Variants in LRMDA observed in about 807,000 individuals in gnomAD.
The protein encoded by LRMDA is leucine-rich melanocyte differentiation-associated protein.
LRMDA carries 18 observed loss-of-function variants against 29.8 expected under a neutral mutation model. The observed-to-expected ratio is 0.60, with a 90% confidence interval of 0.42 to 0.90. The LOEUF (loss-of-function observed/expected upper bound fraction) is 0.90. Among genes scored for constraint, LRMDA ranks in the 40% least tolerant of loss-of-function variants. The pLI is 0.00. For missense variants in LRMDA, 273 were observed against 273.9 expected (o/e 1.00, Z 0.02); for synonymous variants, 125 against 109.4 (o/e 1.14, Z -0.89).
chr10:75,863,446 A>G (rs1844966591), intron 2 of LRMDA, among the ~76,000 whole-genome samples: 1 of 152,160 alleles, frequency 6.6e-6, no homozygotes, highest in Non-Finnish European at 1.5e-5. Flanking sequence ...GTGGATGAGC[A>G]CTTTTCTTAC....
At chr10:76,192,763 A>C (rs1404238343) in intron 5 of LRMDA, among the ~76,000 whole-genome samples, 1 of 152,026 alleles carries the variant, frequency 6.6e-6, no homozygotes, top group Admixed American at 6.6e-5. Context: ...CTAACTTGGA[A>C]CTCTTTGTAG....
At chr10:76,059,919 T>G (rs1391928081) in intron 5 of LRMDA, among the ~76,000 whole-genome samples, 2 of 152,202 alleles carry the variant, frequency 1.3e-5, no homozygotes, top group Non-Finnish European at 2.9e-5. Flanking sequence ...TTGTTACCTC[T>G]TTCAGCATGT....
chr10:76,439,505 A>G (rs945740521), intron 6 of LRMDA, among the ~76,000 whole-genome samples: 21 of 152,204 alleles, frequency 1.4e-4, no homozygotes, highest in South Asian at 6.2e-4. Flanking sequence ...GAAAGCGCCC[A>G]GTTAGAAGAT....
intron 5 of LRMDA, among the ~76,000 whole-genome samples, chr10:76,176,372 G>A (rs559716957): frequency 6.6e-6 from 1 of 152,286 alleles, no homozygotes; most frequent in East Asian, 1.9e-4. Flanking sequence ...ACAATAGAAG[G>A]GCAGCTTCAA....
intron 2 of LRMDA, among the ~76,000 whole-genome samples, chr10:75,872,733 C>G (rs1845135638): frequency 6.6e-6 from 1 of 152,104 alleles, no homozygotes; most frequent in South Asian, 2.1e-4. Context: ...TATAAAAATT[C>G]TATTCTTCCT....
intron 2 of LRMDA, among the ~76,000 whole-genome samples, chr10:75,785,452 T>A (rs902900070): frequency 6.6e-6 from 1 of 152,224 alleles, no homozygotes; most frequent in African/African-American, 2.4e-5. Flanking sequence ...GAGAAGCGAC[T>A]GTGAAGCTGT....
intron 2 of LRMDA, among the ~76,000 whole-genome samples, chr10:75,593,598 A>T (rs962540995): frequency 8.5e-5 from 13 of 152,378 alleles, no homozygotes; most frequent in African/African-American, 3.1e-4. Flanking sequence ...GTCCTTATAA[A>T]AGTGATTGAC....
At chr10:76,430,141 G>T (rs745483919) in intron 6 of LRMDA, among the ~76,000 whole-genome samples, 10 of 152,112 alleles carry the variant, frequency 6.6e-5, no homozygotes, top group Admixed American at 2.0e-4. Context: ...CGGAAACAAG[G>T]TATATTTTCC....
intron 2 of LRMDA, among the ~76,000 whole-genome samples, chr10:75,510,938 G>T (rs1309553536): frequency 6.6e-6 from 1 of 152,174 alleles, no homozygotes; most frequent in East Asian, 1.9e-4. Flanking sequence ...GATGCCTGGA[G>T]GAAAAACAAG....
chr10:76,465,107 G>T (rs1485088497), intron 6 of LRMDA, among the ~76,000 whole-genome samples: 1 of 152,122 alleles, frequency 6.6e-6, no homozygotes, highest in Non-Finnish European at 1.5e-5. Flanking sequence ...AGAACTCTTG[G>T]TGGCCTCTCC....
intron 5 of LRMDA, among the ~76,000 whole-genome samples, chr10:76,223,736 C>G (rs1851894134): frequency 6.6e-6 from 1 of 152,152 alleles, no homozygotes; most frequent in African/African-American, 2.4e-5. Context: ...ACTTTAGCCT[C>G]CAGAACTGTG....
intron 2 of LRMDA, among the ~76,000 whole-genome samples, chr10:75,517,180 C>A (rs1477703656): frequency 1.3e-5 from 2 of 152,022 alleles, no homozygotes; most frequent in Non-Finnish European, 1.5e-5. Flanking sequence ...CTTGGCAATG[C>A]GGGCTCTTTT....
At chr10:76,448,539 C>T (rs546876505) in intron 6 of LRMDA, among the ~76,000 whole-genome samples, 3 of 151,942 alleles carry the variant, frequency 2.0e-5, no homozygotes, top group Non-Finnish European at 4.4e-5. Flanking sequence ...CCAATTTTAC[C>T]AGTAGGATAG....
intron 2 of LRMDA, among the ~76,000 whole-genome samples, chr10:75,619,542 G>T (rs574748565): frequency 4.6e-5 from 7 of 152,272 alleles, no homozygotes; most frequent in South Asian, 4.2e-4. Context: ...AGCCCCAAAG[G>T]TTCTATTTTT....
At chr10:76,079,738 A>G (rs1327674108) in intron 5 of LRMDA, among the ~76,000 whole-genome samples, 1 of 152,260 alleles carries the variant, frequency 6.6e-6, no homozygotes, top group Non-Finnish European at 1.5e-5. Flanking sequence ...GCTCTAGTCT[A>G]GAATCATCTG....
At chr10:75,847,398 T>C (rs778710747) in intron 2 of LRMDA, among the ~76,000 whole-genome samples, 31 of 127,346 alleles carry the variant, frequency 2.4e-4, no homozygotes, top group Non-Finnish European at 4.3e-4. Flanking sequence ...GGTCTAAAAC[T>C]ATAAAACTCT....
intron 6 of LRMDA, among the ~76,000 whole-genome samples, chr10:76,378,532 T>G (rs976619640): frequency 6.6e-6 from 1 of 152,158 alleles, no homozygotes; most frequent in Admixed American, 6.5e-5. Flanking sequence ...TATATGTCTT[T>G]TATTATTTTG....
chr10:76,122,957 A>G lies in LRMDA; in HGVS notation c.516+64174A>G, dbSNP rs559131792. On this transcript the variant is annotated intron_variant, in intron 5 of 6. Coordinates refer to ENST00000611255, the MANE Select transcript of LRMDA (RefSeq NM_001305581.2). ...GTTCCACCTCTGTTATGTCTCCTGGATCATCTAGGATGATCCGAAGGATTC... is the reference window on the plus strand; with the variant it reads ...GTTCCACCTCTGTTATGTCTCCTGGGTCATCTAGGATGATCCGAAGGATTC... Among the ~76,000 whole-genome samples, 5 of 152,204 alleles carry G rather than the reference A, an allele frequency of 3.3e-5. No homozygotes were observed. In the South Asian group the frequency reaches 1.0e-3, roughly 32 times the overall value.
intron 2 of LRMDA, among the ~76,000 whole-genome samples, chr10:75,523,109 C>T (rs1160299961): frequency 2.0e-5 from 3 of 152,344 alleles, no homozygotes; most frequent in Non-Finnish European, 2.9e-5. Context: ...CATTTGCCCT[C>T]TTTCCTCATG....
Sources: allele counts gnomAD v4.1 joint callset (sites outside exome capture counted in the v4.1 genomes callset), GRCh38; gene constraint gnomAD v4.1.1; transcripts MANE v1.5; gene names NCBI Gene and HGNC (gene_info 2026-07-23, HGNC 2026-07-21).